Variants in EFHB observed in about 807,000 individuals in gnomAD.
The protein encoded by EFHB is EF-hand domain-containing family member B.
Under a neutral mutation model 87.2 loss-of-function variants are expected in EFHB, and 91 were observed. The observed-to-expected ratio is 1.04, with a 90% CI of 0.88 to 1.24. The LOEUF (loss-of-function observed/expected upper bound fraction) is 1.24. Among genes scored for constraint, EFHB ranks in the 50% most tolerant of loss-of-function variants. The probability of loss-of-function intolerance (pLI) is 0.00; values close to 1 mark genes in which losing one functional copy is unlikely to be tolerated. For synonymous variants in EFHB, 325 were observed against 333.6 expected (o/e 0.97, Z 0.28); for missense variants, 1,084 against 998.8 (o/e 1.09, Z -1.15).
chr3:19,897,687 T>G (rs146124353), intron 8 of EFHB, among the ~76,000 whole-genome samples: 1 of 152,278 alleles, frequency 6.6e-6, no homozygotes, highest in Non-Finnish European at 1.5e-5. Context: ...ACAGGCAGAA[T>G]TTACCATGAT....
At chr3:19,910,183 T>C (rs563271361) in intron 5 of EFHB, among the ~76,000 whole-genome samples, 1 of 152,106 alleles carries the variant, frequency 6.6e-6, no homozygotes, top group Non-Finnish European at 1.5e-5. Flanking sequence ...GACTTGGCTC[T>C]TGAATAGCAT....
intron 1 of EFHB, among the ~76,000 whole-genome samples, chr3:19,921,693 T>TA (rs772748335): frequency 1.1e-4 from 16 of 152,016 alleles, no homozygotes; most frequent in South Asian, 2.1e-4. Context: ...GAACTTTGTG[T>TA]AAAAAAAGAA....
chr3:19,932,841 C>T (rs1040670436), intron 1 of EFHB, among the ~76,000 whole-genome samples: 1 of 152,176 alleles, frequency 6.6e-6, no homozygotes, highest in African/African-American at 2.4e-5. Context: ...GCTGAAAGAA[C>T]AAATAACTCA....
chr3:19,944,253 G>C (rs1204768591), intron 1 of EFHB, among the ~76,000 whole-genome samples: 1 of 152,188 alleles, frequency 6.6e-6, no homozygotes, highest in African/African-American at 2.4e-5. Context: ...AGATTTCCTG[G>C]AAGAGAAGGA....
intron 6 of EFHB, among the ~76,000 whole-genome samples, chr3:19,904,178 C>A (rs1694762746): frequency 6.6e-6 from 1 of 152,154 alleles, no homozygotes; most frequent in Admixed American, 6.5e-5. Flanking sequence ...AACAAATCTA[C>A]CCCTATCATT....
At chr3:19,905,574 C>G in intron 6 of EFHB, 46 bp downstream of exon 6, 1 of 1,567,316 alleles carries the variant, frequency 6.4e-7, no homozygotes. Flanking sequence ...TTCTTTAAGT[C>G]CAAATGTCTA....
rs188951430 is a variant in EFHB at position 19,890,973 on chromosome 3, G to A, written c.1726-2322C>T. Among the ~76,000 whole-genome samples, 43 of 152,290 alleles carry A rather than the reference G, an allele frequency of 2.8e-4. No homozygotes were observed. In the East Asian group the frequency reaches 8.1e-3, roughly 29 times the overall value. On this transcript the variant is annotated intron_variant, in intron 9 of 12. Transcript: ENST00000295824. ...AAAAAGGAGCAAACAAGCCTCATAT[G>A]TCAAATGGAAATGGCATATTCAAGA...
At chr3:19,902,501 C>T (rs1322755438) in intron 6 of EFHB, among the ~76,000 whole-genome samples, 3 of 151,902 alleles carry the variant, frequency 2.0e-5, no homozygotes, top group African/African-American at 7.3e-5. Flanking sequence ...ACTACAGGTG[C>T]GTGCCACCAC....
At chr3:19,905,406 GA>G (rs140603098) in intron 6 of EFHB, among the ~76,000 whole-genome samples, 53 of 148,796 alleles carry the variant, frequency 3.6e-4, no homozygotes, top group Admixed American at 1.0e-3. Flanking sequence ...AATAAAGATA[GA>G]AAAAAAAAAG....
At chr3:19,929,530 C>A (rs1695753018) in intron 1 of EFHB, among the ~76,000 whole-genome samples, 1 of 151,090 alleles carries the variant, frequency 6.6e-6, no homozygotes, top group African/African-American at 2.4e-5. Context: ...ATGATGAAAC[C>A]CTGTCCATCT....
upstream of EFHB, among the ~76,000 whole-genome samples, chr3:19,937,115 G>T (rs1334665144): frequency 1.3e-5 from 2 of 151,796 alleles, no homozygotes; most frequent in Non-Finnish European, 2.9e-5. Context: ...GTTGCAGTGA[G>T]CCGAGATCGC....
rs945547647 is a variant in EFHB, at chr3:19,941,594, C to G, written c.-31-5260G>C. Reference sequence around the variant, plus strand: ...CTTCCAGGTCAAGCGCAATGGCTCACGCCTGTAATCCTAGCACTTTGGGAG... The same window carrying G: ...CTTCCAGGTCAAGCGCAATGGCTCAGGCCTGTAATCCTAGCACTTTGGGAG... On this transcript the variant is annotated intron_variant, in intron 1 of 14. Coordinates refer to the EFHB transcript ENST00000344838. 3 of 152,630 alleles carry G rather than the reference C, an allele frequency of 2.0e-5. No individual in the cohort carries two copies. In the East Asian group the frequency reaches 5.8e-4, roughly 29 times the overall value. 9.5% of individuals were successfully genotyped at this position (152,630 alleles called of 1,614,324 possible).
chr3:19,939,053 C>T (rs1369490119), upstream of EFHB, among the ~76,000 whole-genome samples: 2 of 152,060 alleles, frequency 1.3e-5, no homozygotes, highest in South Asian at 2.1e-4. Flanking sequence ...ACTACAGGCA[C>T]CCGCCACCAT....
rs531632963 is a variant in EFHB, at chr3:19,905,714, A to G, written c.1324T>C (p.Phe442Leu). The G allele has an allele frequency of 6.2e-7, 1 of 1,613,302 alleles. No individual in the cohort carries two copies. Among genetic ancestry groups the G allele is most frequent in the East Asian group, 2.2e-5 (1 of 44,864 alleles). ...AKNRKYNPSSFHRCSVYGVPT... is the reference protein window; with the variant it reads ...AKNRKYNPSSLHRCSVYGVPT... ...ACTCCATACACACTACACCTATGGA[A>G]ACTTGATGGGTTATACTTTCGGTTC... is the stretch of plus-strand genomic sequence containing the variant. The change falls in exon 6 of 13, where the codon TTC (phenylalanine) becomes CTC (leucine). Residue 442 changes from phenylalanine to leucine, a missense_variant. Transcript: ENST00000295824.
chr3:19,908,598 G>GAGAA (rs767343345), intron 5 of EFHB, among the ~76,000 whole-genome samples: 1,248 of 77,566 alleles, frequency 0.016, 28 homozygotes, highest in East Asian at 0.057. Flanking sequence ...GAGAGAGAGA[G>GAGAA]AGAAAGAAAG....
intron 10 of EFHB, among the ~76,000 whole-genome samples, chr3:19,887,978 T>C (rs1165892704): frequency 1.3e-5 from 2 of 152,154 alleles, no homozygotes; most frequent in Admixed American, 1.3e-4. Context: ...AAATAATACA[T>C]GGTTCCAAAC....
intron 1 of EFHB, among the ~76,000 whole-genome samples, chr3:19,939,540 A>C (rs190353056): frequency 6.8e-6 from 1 of 147,154 alleles, no homozygotes; most frequent in Non-Finnish European, 1.5e-5. Flanking sequence ...GCCCGCCACC[A>C]CACCCGGCTA....
intron 4 of EFHB, among the ~76,000 whole-genome samples, chr3:19,915,843 C>A (rs1005645480): frequency 6.6e-6 from 1 of 151,398 alleles, no homozygotes; most frequent in Non-Finnish European, 1.5e-5. Flanking sequence ...TGTGGAAGCA[C>A]GTGCCTGTGG....
chr3:19,933,058 C>A (rs2125166957), intron 1 of EFHB, among the ~76,000 whole-genome samples, 172 bp downstream of exon 1: 1 of 152,260 alleles, frequency 6.6e-6, no homozygotes, highest in South Asian at 2.1e-4. Flanking sequence ...GGCAGAGAAT[C>A]AGAAATCTAA....
Sources: allele counts gnomAD v4.1 joint callset (sites outside exome capture counted in the v4.1 genomes callset), GRCh38; gene constraint gnomAD v4.1.1; transcripts MANE v1.5; gene names NCBI Gene and HGNC (gene_info 2026-07-23, HGNC 2026-07-21).